MXI1: variants seen among roughly 807,000 people sequenced by gnomAD.
MXI1 encodes max-interacting protein 1.
MXI1 carries 18 observed loss-of-function variants against 36.9 expected under a neutral mutation model. That is an observed-to-expected ratio of 0.49 (90% CI 0.34 to 0.72). The LOEUF (loss-of-function observed/expected upper bound fraction) is 0.72, where lower values mean the gene tolerates loss of function less well. Among genes scored for constraint, MXI1 ranks in the 30% least tolerant of loss-of-function variants. The pLI is 0.01. For missense variants in MXI1, 304 were observed against 379.1 expected (o/e 0.80, Z 1.64); for synonymous variants, 160 against 146.7 (o/e 1.09, Z -0.65).
Position 110,215,474 on chromosome 10 carries a change from G to A in MXI1, c.274+7392G>A, listed in dbSNP as rs551382822. Among the ~76,000 whole-genome samples the A allele has an allele frequency of 9.8e-5, 15 of 152,298 alleles. No individual in the cohort carries two copies. The East Asian group carries it at 2.7e-3, about 27-fold the overall frequency. On this transcript the variant is annotated intron_variant, in intron 1 of 5. Coordinates refer to ENST00000332674, the MANE Select transcript of MXI1 (RefSeq NM_130439.3). ...CAGAGAGGGACACTGGCTTGCCCAAGATGACACAGCAGAGGCAGAACCAGG... is the reference window on the plus strand; with the variant it reads ...CAGAGAGGGACACTGGCTTGCCCAAAATGACACAGCAGAGGCAGAACCAGG...
chr10:110,228,124 T>A (rs1855128128), intron 1 of MXI1, 65 bp from the exon 2 acceptor site: 7 of 1,573,518 alleles, frequency 4.4e-6, no homozygotes, highest in Non-Finnish European at 6.1e-6. Context: ...GACCTCGGAT[T>A]TGTGGGTCAA....
chr10:110,268,070 A>G (rs922040128), intron 3 of MXI1, among the ~76,000 whole-genome samples: 2 of 152,196 alleles, frequency 1.3e-5, no homozygotes, highest in African/African-American at 4.8e-5. Context: ...AGTGGTCAAT[A>G]TGTTCTTGCT....
chr10:110,212,966 G>C (rs974008158), intron 1 of MXI1, among the ~76,000 whole-genome samples: 1 of 152,192 alleles, frequency 6.6e-6, no homozygotes, highest in Non-Finnish European at 1.5e-5. Context: ...ACACCACTGG[G>C]CATACAGTAG....
rs1209627463 is a variant in MXI1 at position 110,235,693 on chromosome 10, AT to A, written c.407+7373del. ...ACAGAGCAAGACTCTGTCTCAAAAAATAAATAAATAAATAAATAAATAAATA... is the reference window on the plus strand; with the variant it reads ...ACAGAGCAAGACTCTGTCTCAAAAAAAAATAAATAAATAAATAAATAAATA... On this transcript the variant is annotated intron_variant, in intron 2 of 5. Coordinates refer to ENST00000332674, the MANE Select transcript of MXI1 (RefSeq NM_130439.3). 8.0e-4 allele frequency among the ~76,000 whole-genome samples: 117 copies of A among 147,004 alleles called. 4 individuals carry two copies. Among genetic ancestry groups the A allele is most frequent in the Middle Eastern group, 3.6e-3 (1 of 278 alleles).
intron 3 of MXI1, among the ~76,000 whole-genome samples, chr10:110,247,529 T>G (rs1480241546): frequency 2.0e-5 from 3 of 152,206 alleles, no homozygotes; most frequent in African/African-American, 2.4e-5. Context: ...GGTCTAACAT[T>G]TAAGTCTTTA....
At chr10:110,212,209 T>C (rs1176784942) in intron 1 of MXI1, among the ~76,000 whole-genome samples, 3 of 152,116 alleles carry the variant, frequency 2.0e-5, no homozygotes, top group Non-Finnish European at 2.9e-5. Context: ...TTGGAGTGGA[T>C]CACCTGGGTT....
At chr10:110,224,658 T>G (rs1854908498) in intron 1 of MXI1, among the ~76,000 whole-genome samples, 2 of 149,860 alleles carry the variant, frequency 1.3e-5, no homozygotes, top group Non-Finnish European at 3.0e-5. Flanking sequence ...TTTTTTTCTT[T>G]GAGACTGAGT....
At chr10:110,233,222 CTTTAG>C (rs1164661177) in intron 2 of MXI1, among the ~76,000 whole-genome samples, 1 of 152,030 alleles carries the variant, frequency 6.6e-6, no homozygotes, top group Admixed American at 6.5e-5. Flanking sequence ...GTTTATAAGG[CTTTAG>C]TTTAATTTTT....
At chr10:110,259,026 G>A (rs778187907) in intron 3 of MXI1, among the ~76,000 whole-genome samples, 7 of 152,086 alleles carry the variant, frequency 4.6e-5, no homozygotes, top group Non-Finnish European at 7.4e-5. Context: ...ATGAGATTAT[G>A]AGATCTTAAA....
chr10:110,223,601 T>A (rs1590334134), intron 1 of MXI1, among the ~76,000 whole-genome samples: 1 of 151,786 alleles, frequency 6.6e-6, no homozygotes, highest in South Asian at 2.1e-4. Flanking sequence ...AAATAAAAAA[T>A]AAATAAATTC....
At chr10:110,250,516 G>T (rs1286656152) in intron 3 of MXI1, among the ~76,000 whole-genome samples, 1 of 151,966 alleles carries the variant, frequency 6.6e-6, no homozygotes, top group African/African-American at 2.4e-5. Context: ...AATTCAAATT[G>T]CTGATGATGT....
intron 1 of MXI1, among the ~76,000 whole-genome samples, chr10:110,214,732 T>A (rs935935960): frequency 6.6e-6 from 1 of 150,950 alleles, no homozygotes; most frequent in African/African-American, 2.4e-5. Flanking sequence ...CCTGGCTTGG[T>A]CTTCACTTAG....
intron 1 of MXI1, among the ~76,000 whole-genome samples, chr10:110,221,980 T>G (rs1233846273): frequency 6.6e-6 from 1 of 152,114 alleles, no homozygotes; most frequent in Non-Finnish European, 1.5e-5. Context: ...AGACCCAAAT[T>G]TATCTCGGCT....
chr10:110,239,677 C>T (rs916579846), intron 2 of MXI1, among the ~76,000 whole-genome samples: 1 of 151,742 alleles, frequency 6.6e-6, no homozygotes, highest in African/African-American at 2.4e-5. Context: ...TGTAGTATGC[C>T]AAAAGATTTG....
chr10:110,284,609 T>C (rs891293127), intron 5 of MXI1, among the ~76,000 whole-genome samples: 5 of 152,166 alleles, frequency 3.3e-5, no homozygotes, highest in Non-Finnish European at 7.3e-5. Flanking sequence ...TTTAGGAAAT[T>C]TGCTGCCTAA....
In MXI1 at chr10:110,284,949, T is replaced by G. The variant is rs1857393868; in HGVS notation, c.850T>G (p.Tyr284Asp). Residue 284 changes from tyrosine to aspartate, a missense_variant, in exon 6 of 6, where the codon TAC (tyrosine) becomes GAC (aspartate). This residue lies in a region of MXI1 where 125 missense variants were observed against 194.3 expected (regional missense o/e 0.64). Transcript: ENST00000332674. ...GCCGAGTATTGGGAGTGACGAGGGT[T>G]ACTCCAGTGCCAGTGTCAAACTTTC... is the stretch of plus-strand genomic sequence containing the variant. ...SLPSIGSDEGYSSASVKLSFT... is the reference protein window; with the variant it reads ...SLPSIGSDEGDSSASVKLSFT... 6.2e-7 allele frequency: 1 copy of G among 1,613,730 alleles called. No homozygotes were observed. Among genetic ancestry groups the G allele is most frequent in the African/African-American group, 1.3e-5 (1 of 74,894 alleles).
intron 5 of MXI1, among the ~76,000 whole-genome samples, chr10:110,282,116 G>C (rs914467211): frequency 2.6e-5 from 4 of 152,182 alleles, no homozygotes; most frequent in Non-Finnish European, 5.9e-5. Context: ...TGCTTTATCA[G>C]TTTTCCAAAC....
chr10:110,242,896 A>G (rs1855725552), intron 2 of MXI1, among the ~76,000 whole-genome samples: 1 of 151,936 alleles, frequency 6.6e-6, no homozygotes, highest in African/African-American at 2.4e-5. Flanking sequence ...GTTTCCATTT[A>G]TTACTTACTG....
At chr10:110,236,188 G>A (rs1453352041) in intron 2 of MXI1, among the ~76,000 whole-genome samples, 12 of 60,414 alleles carry the variant, frequency 2.0e-4, no homozygotes, top group Non-Finnish European at 2.4e-4. Flanking sequence ...AGTTGTTCCA[G>A]TATCATTTGT....
Sources: allele counts gnomAD v4.1 joint callset (sites outside exome capture counted in the v4.1 genomes callset), GRCh38; gene constraint gnomAD v4.1.1; regional missense constraint gnomAD v4.1.1; transcripts MANE v1.5; gene names NCBI Gene and HGNC (gene_info 2026-07-23, HGNC 2026-07-21).